PMFBP1: variants seen among roughly 807,000 people sequenced by gnomAD.
PMFBP1 encodes polyamine-modulated factor 1-binding protein 1.
PMFBP1 carries 131 observed loss-of-function variants against 137.8 expected under a neutral mutation model. That is an observed-to-expected ratio of 0.95 (90% CI 0.82 to 1.10). The LOEUF (loss-of-function observed/expected upper bound fraction) is 1.10, where lower values mean the gene tolerates loss of function less well. Ranked by LOEUF, PMFBP1 falls within the 50% of genes least tolerant of loss-of-function variation. The pLI, the probability that PMFBP1 is intolerant of heterozygous loss-of-function variation, is 0.00. For synonymous variants in PMFBP1, 490 were observed against 450.4 expected (o/e 1.09, Z -1.11); for missense variants, 1,199 against 1,175.4 (o/e 1.02, Z -0.29).
the PMFBP1 span, among the ~76,000 whole-genome samples, chr16:72,194,333 T>C: frequency 7.2e-5 from 11 of 152,158 alleles, no homozygotes; most frequent in Admixed American, 5.9e-4. Flanking sequence ...TTAGAAAGAG[T>C]TGCACATTCT....
At chr16:72,202,528 G>C in the PMFBP1 span, among the ~76,000 whole-genome samples, 6 of 152,174 alleles carry the variant, frequency 3.9e-5, no homozygotes, top group South Asian at 1.2e-3. Context: ...TCCTCCCTAG[G>C]TCCCACCCCG....
At chr16:72,243,233 A>T in the PMFBP1 span, among the ~76,000 whole-genome samples, 1 of 152,212 alleles carries the variant, frequency 6.6e-6, no homozygotes, top group African/African-American at 2.4e-5. Flanking sequence ...ATTATTTTCC[A>T]TCTGTTTAGC....
the PMFBP1 span, among the ~76,000 whole-genome samples, chr16:72,190,469 C>T: frequency 2.0e-5 from 3 of 152,138 alleles, no homozygotes; most frequent in Admixed American, 2.0e-4. Context: ...CAGAGGACTG[C>T]AGTTACACTT....
In PMFBP1 at chr16:72,154,404, G is replaced by T; in HGVS notation, c.221C>A (p.Ser74Tyr). The T allele has an allele frequency of 6.2e-7, 1 of 1,614,086 alleles. No individual in the cohort carries two copies. Among genetic ancestry groups the T allele is most frequent in the Non-Finnish European group, 8.5e-7 (1 of 1,179,994 alleles). The change falls in exon 4 of 21, where the codon TCC becomes TAC. Residue 74 changes from serine (S) to tyrosine (Y), a missense_variant. Coordinates refer to ENST00000237353, the MANE Select transcript of PMFBP1 (RefSeq NM_031293.3). ...AFEESEVEFGSSKQCHLRQLQ... is the reference protein window; with the variant it reads ...AFEESEVEFGYSKQCHLRQLQ... ...TTGTCTCAGATGACACTGTTTACTG[G>T]ACCCAAATTCCACCTCTGACTCCTC...
At chr16:72,181,082 T>C (rs955014360), upstream of PMFBP1, among the ~76,000 whole-genome samples, 5 of 151,776 alleles carry the variant, frequency 3.3e-5, no homozygotes, top group African/African-American at 1.2e-4. Flanking sequence ...CTACTAAAAA[T>C]ACAAAAATTA....
chr16:72,155,127 C>G (rs566479546), intron 3 of PMFBP1, among the ~76,000 whole-genome samples: 5 of 152,112 alleles, frequency 3.3e-5, no homozygotes, highest in Non-Finnish European at 7.4e-5. Context: ...TTCATTCATT[C>G]ATTCACTCAA....
Position 72,129,152 on chromosome 16 carries a change from G to C in PMFBP1, c.1864C>G (p.Gln622Glu), listed in dbSNP as rs2042509301. The C allele has an allele frequency of 6.2e-7, 1 of 1,614,028 alleles. No homozygotes were observed. The highest frequency in any genetic ancestry group is 1.3e-5 in the African/African-American group (1 of 74,922). Residue 622 changes from glutamine to glutamate, a missense_variant, in exon 13 of 21, where the codon CAG becomes GAG. Transcript: ENST00000237353. The part of the protein sequence containing the change: ...ATKLLEDKRE[Q>E]LKKSKEHEKL... Reference sequence around the variant, plus strand: ...TCATGCTCTTTGCTCTTCTTCAACTGCTCCCGTTTGTCCTCCAGAAGCTTT... The same window carrying C: ...TCATGCTCTTTGCTCTTCTTCAACTCCTCCCGTTTGTCCTCCAGAAGCTTT...
chr16:72,239,915 A>AAG, the PMFBP1 span, among the ~76,000 whole-genome samples: 8 of 145,050 alleles, frequency 5.5e-5, no homozygotes, highest in South Asian at 4.3e-4. Context: ...AAAAAAAAAA[A>AAG]AAGAATGTTC....
At chr16:72,137,951 A>G (rs1349830670) in intron 7 of PMFBP1, among the ~76,000 whole-genome samples, 1 of 152,096 alleles carries the variant, frequency 6.6e-6, no homozygotes, top group Admixed American at 6.5e-5. Flanking sequence ...ACTGTGCCAC[A>G]CTTGCCGAGG....
chr16:72,244,018 T>G, the PMFBP1 span, among the ~76,000 whole-genome samples: 1 of 152,198 alleles, frequency 6.6e-6, no homozygotes, highest in East Asian at 1.9e-4. Flanking sequence ...GGTTCCTTGG[T>G]CATAATGAAA....
the PMFBP1 span, among the ~76,000 whole-genome samples, chr16:72,233,829 T>C: frequency 7.9e-5 from 12 of 152,166 alleles, no homozygotes; most frequent in Admixed American, 2.0e-4. Flanking sequence ...ATGGGAATCA[T>C]ACAATATGTG....
At chr16:72,133,717 GTTAA>G (rs2042583020) in intron 9 of PMFBP1, among the ~76,000 whole-genome samples, 1 of 152,180 alleles carries the variant, frequency 6.6e-6, no homozygotes, top group African/African-American at 2.4e-5. Context: ...TCAGGAGGTT[GTTAA>G]TTGTCACTTT....
At position 72,124,851 on chromosome 16, in the gene PMFBP1, C is replaced by T; in HGVS notation, c.2505G>A (p.Met835Ile). The change falls in exon 17 of 21, where the codon ATG becomes ATA. Residue 835 changes from methionine to isoleucine, a missense_variant. Met to Ile is a conservative substitution (Grantham distance 10). Transcript: ENST00000237353. ...TGAGCTGCTCCTCTTTGGCTGCCAGCATCTTGAGGTCATTCTGGTGTTGCT... is the reference window on the plus strand; with the variant it reads ...TGAGCTGCTCCTCTTTGGCTGCCAGTATCTTGAGGTCATTCTGGTGTTGCT... ...WQKQHQNDLK[M>I]LAAKEEQLRE... is the part of the protein sequence containing the mutation. 1 of 1,614,238 alleles carries T rather than the reference C, an allele frequency of 6.2e-7. No individual in the cohort carries two copies.
chr16:72,229,885 G>A, the PMFBP1 span, among the ~76,000 whole-genome samples: 2 of 152,264 alleles, frequency 1.3e-5, no homozygotes, highest in East Asian at 3.9e-4. Flanking sequence ...GCTAAACAGA[G>A]GTACCAGTGC....
chr16:72,140,553 C>T lies in PMFBP1; in HGVS notation c.666G>A (p.Lys222=), dbSNP rs1157006542. 2 of 1,613,750 alleles carry T rather than the reference C, an allele frequency of 1.2e-6. No individual in the cohort carries two copies. Among genetic ancestry groups the T allele is most frequent in the African/African-American group, 1.3e-5 (1 of 74,912 alleles). Residue 222 remains lysine (K), a synonymous_variant, in exon 6 of 21, where the codon AAG becomes AAA. Coordinates refer to ENST00000237353, the MANE Select transcript of PMFBP1 (RefSeq NM_031293.3). ...QEPENKGDHS[K]VRIYTSPCMI... ...TGCAAGGAGAAGTGTATATCCGTAC[C>T]TTTGAATGATCACCCTTGTTCTCAG...
At chr16:72,147,444 C>T (rs1045560710) in intron 5 of PMFBP1, among the ~76,000 whole-genome samples, 3 of 152,076 alleles carry the variant, frequency 2.0e-5, no homozygotes, top group Non-Finnish European at 2.9e-5. Context: ...TAGGCAATAC[C>T]GTTCAGGACA....
At chr16:72,203,233 C>T in the PMFBP1 span, among the ~76,000 whole-genome samples, 2 of 152,228 alleles carry the variant, frequency 1.3e-5, no homozygotes, top group Non-Finnish European at 2.9e-5. Flanking sequence ...TGAGTGCTGT[C>T]TCCTGATTTC....
the PMFBP1 span, among the ~76,000 whole-genome samples, chr16:72,225,709 TATAATA>T: frequency 7.7e-4 from 84 of 109,612 alleles, no homozygotes; most frequent in South Asian, 4.2e-3. Context: ...TGAGACTGTT[TATAATA>T]ATAATAATAA....
At chr16:72,209,317 T>C in the PMFBP1 span, among the ~76,000 whole-genome samples, 2 of 152,214 alleles carry the variant, frequency 1.3e-5, no homozygotes, top group Non-Finnish European at 2.9e-5. Flanking sequence ...CTGACTTCAC[T>C]GTTTTCTTAC....
Sources: allele counts gnomAD v4.1 joint callset (sites outside exome capture counted in the v4.1 genomes callset), GRCh38; gene constraint gnomAD v4.1.1; transcripts MANE v1.5; gene names NCBI Gene and HGNC (gene_info 2026-07-23, HGNC 2026-07-21).